The following TTC1 variants were observed in gnomAD, a reference collection of about 807,000 sequenced individuals.
TTC1 encodes the protein tetratricopeptide repeat domain 1.
Under a neutral mutation model 37.6 loss-of-function variants are expected in TTC1, and 31 were observed. That is an observed-to-expected ratio of 0.82 (90% CI 0.62 to 1.11). The LOEUF (loss-of-function observed/expected upper bound fraction) is 1.11, where lower values mean the gene tolerates loss of function less well. Ranked by LOEUF, TTC1 falls within the 50% of genes most tolerant of loss-of-function variation. TTC1 has a pLI of 0.00. For synonymous variants in TTC1, 127 were observed against 122.4 expected (o/e 1.04, Z -0.25); for missense variants, 351 against 339.0 (o/e 1.04, Z -0.28).
chr5:160,039,367 G>A (rs956735481), intron 4 of TTC1, among the ~76,000 whole-genome samples: 2 of 147,572 alleles, frequency 1.4e-5, no homozygotes, highest in African/African-American at 5.0e-5. Flanking sequence ...CTTATATGCT[G>A]TGTACATTTG....
chr5:160,024,065 A>C, intron 2 of TTC1: 1 of 1,105,646 alleles, frequency 9.0e-7, no homozygotes, highest in Non-Finnish European at 1.4e-6. Flanking sequence ...TCTGGTTAGC[A>C]TGTAAGTGTG....
intron 7 of TTC1, among the ~76,000 whole-genome samples, chr5:160,060,768 G>A (rs962835253): frequency 2.0e-5 from 3 of 152,102 alleles, no homozygotes; most frequent in Admixed American, 6.6e-5. Context: ...CTCTGTCATC[G>A]GCACAAACAG....
intron 7 of TTC1, among the ~76,000 whole-genome samples, chr5:160,055,774 C>G (rs867532706): frequency 1.3e-5 from 2 of 152,250 alleles, no homozygotes; most frequent in Non-Finnish European, 2.9e-5. Context: ...GCGTTCAGCT[C>G]TGCTCTGAGA....
At chr5:160,030,682 G>A (rs1473360083) in intron 2 of TTC1, among the ~76,000 whole-genome samples, 1 of 152,146 alleles carries the variant, frequency 6.6e-6, no homozygotes, top group Non-Finnish European at 1.5e-5. Context: ...TACAATGCAG[G>A]ATAATGTCAC....
At chr5:160,012,254 A>G (rs1286025488) in intron 2 of TTC1, among the ~76,000 whole-genome samples, 1 of 152,048 alleles carries the variant, frequency 6.6e-6, no homozygotes, top group South Asian at 2.1e-4. Flanking sequence ...TTGACAGTTG[A>G]ATGGTTTGGC....
rs1301560289 is a variant in TTC1, at chr5:160,029,467, C to CG, written c.331-5673_331-5672insG. 5.7e-5 allele frequency among the ~76,000 whole-genome samples: 7 copies of CG among 122,908 alleles called. No individual in the cohort carries two copies. The Admixed American group carries it at 7.0e-4, about 12-fold the overall frequency. The allele number at this position is 122,908 out of a possible 152,430, so 80.6% of individuals were successfully genotyped here. Reference sequence around the variant, plus strand: ...GACCAGCCTAGGCAACATAGTGAGACCCCCCCATCTCTACAAAAAAAAAAA... The same window carrying CG: ...GACCAGCCTAGGCAACATAGTGAGACGCCCCCCATCTCTACAAAAAAAAAAA... On this transcript the variant is annotated intron_variant, in intron 2 of 7. Transcript: ENST00000231238.
intron 2 of TTC1, 31 bp downstream of exon 2, chr5:160,010,889 CCACTTA>C: frequency 6.4e-7 from 1 of 1,574,530 alleles, no homozygotes; most frequent in Non-Finnish European, 8.7e-7. Flanking sequence ...GCAAGATCTG[CCACTTA>C]CACTGCATTT....
At chr5:160,061,590 A>G (rs1753402048) in intron 7 of TTC1, among the ~76,000 whole-genome samples, 1 of 151,908 alleles carries the variant, frequency 6.6e-6, no homozygotes, top group African/African-American at 2.4e-5. Flanking sequence ...TGTGCCTTTT[A>G]TTATGTGTCT....
At chr5:160,023,920 T>C in intron 2 of TTC1, 1 of 1,586,788 alleles carries the variant, frequency 6.3e-7, no homozygotes, top group South Asian at 1.1e-5. Flanking sequence ...CAAACTCTGC[T>C]GACTTTGCCT....
intron 5 of TTC1, among the ~76,000 whole-genome samples, chr5:160,045,454 CCACACACACACACACACACACA>C (rs57919333): frequency 2.0e-3 from 76 of 38,902 alleles, no homozygotes; most frequent in African/African-American, 6.3e-3. Context: ...CCCCCACCCT[CCACACACACACACACACACACA>C]CACACACACA....
At position 160,023,484 on chromosome 5, in the gene TTC1, G is replaced by A. The variant is rs778700410; in HGVS notation, c.331-11656G>A. On this transcript the variant is annotated intron_variant, in intron 2 of 7. Coordinates refer to ENST00000231238, the MANE Select transcript of TTC1 (RefSeq NM_003314.3). ...TTTTTTTTATTTTTAGGAGAGACAC[G>A]GTCTTGCTGTGTTGCCCAGGCTGAA... Among the ~76,000 whole-genome samples, 143 of 151,756 alleles carry A rather than the reference G, an allele frequency of 9.4e-4. 1 individual carries two copies. The highest frequency in any genetic ancestry group is 3.4e-3 in the Middle Eastern group (1 of 294).
In TTC1 at chr5:160,054,287, A is replaced by G. The variant is rs561229984; in HGVS notation, c.745+3104A>G. On this transcript the variant is annotated intron_variant, in intron 7 of 7. Coordinates refer to ENST00000231238, the MANE Select transcript of TTC1 (RefSeq NM_003314.3). ...TTGATGCTTTATTTGCTTTCTCTCT[A>G]ATGGAATGATTTCACAGTTTTCTTA... is the stretch of plus-strand genomic sequence containing the variant. 9.9e-5 allele frequency among the ~76,000 whole-genome samples: 15 copies of G among 152,278 alleles called. No homozygotes were observed. In the South Asian group the frequency reaches 2.5e-3, roughly 25 times the overall value.
chr5:160,062,859 C>A, intron 7 of TTC1, among the ~76,000 whole-genome samples: 1 of 152,112 alleles, frequency 6.6e-6, no homozygotes. Flanking sequence ...AACAAACTGC[C>A]AGCGTTCCTG....
chr5:160,054,582 G>A (rs982113867), intron 7 of TTC1, among the ~76,000 whole-genome samples: 1 of 150,688 alleles, frequency 6.6e-6, no homozygotes, highest in Non-Finnish European at 1.5e-5. Context: ...CTGGGCAACA[G>A]AGCCAAGACC....
intron 7 of TTC1, among the ~76,000 whole-genome samples, chr5:160,058,510 A>C (rs1044343345): frequency 1.4e-5 from 2 of 147,780 alleles, no homozygotes; most frequent in Non-Finnish European, 3.0e-5. Flanking sequence ...TCCTGGGTTC[A>C]CGCCATTCTC....
intron 5 of TTC1, 41 bp from the exon 6 acceptor site, chr5:160,049,473 A>G: frequency 6.5e-7 from 1 of 1,529,698 alleles, no homozygotes; most frequent in Admixed American, 2.2e-5. Flanking sequence ...TATGTAGGCC[A>G]TTTTTCTTTG....
intron 7 of TTC1, among the ~76,000 whole-genome samples, chr5:160,061,184 G>A (rs561276283): frequency 1.3e-5 from 2 of 152,300 alleles, no homozygotes; most frequent in South Asian, 2.1e-4. Flanking sequence ...ATTGGCTCAC[G>A]CTGTTTGGGC....
intron 5 of TTC1, among the ~76,000 whole-genome samples, chr5:160,043,379 A>G (rs1757136043): frequency 1.3e-5 from 2 of 152,212 alleles, no homozygotes; most frequent in Non-Finnish European, 1.5e-5. Context: ...TGGTAAATAC[A>G]TGAAGAAAAA....
chr5:160,024,808 G>C (rs1256227458), intron 2 of TTC1, among the ~76,000 whole-genome samples: 1 of 151,844 alleles, frequency 6.6e-6, no homozygotes, highest in East Asian at 1.9e-4. Context: ...CCTTGATTCA[G>C]TGAGGAAGAG....
Sources: allele counts gnomAD v4.1 joint callset (sites outside exome capture counted in the v4.1 genomes callset), GRCh38; gene constraint gnomAD v4.1.1; transcripts MANE v1.5; gene names NCBI Gene and HGNC (gene_info 2026-07-23, HGNC 2026-07-21).